NECTIN1: variants seen among roughly 807,000 people sequenced by gnomAD.
NECTIN1 encodes nectin-1.
Under a neutral mutation model 48.0 loss-of-function variants are expected in NECTIN1, and 23 were observed. That is an observed-to-expected ratio of 0.48 (90% CI 0.34 to 0.68). The LOEUF is 0.68. NECTIN1 is among the 30% of genes least tolerant of loss of function. NECTIN1 has a pLI of 0.01. For missense variants in NECTIN1, 591 were observed against 709.9 expected (o/e 0.83, Z 1.90); for synonymous variants, 270 against 288.9 (o/e 0.93, Z 0.66).
Position 119,665,239 on chromosome 11 carries a change from C to G in NECTIN1, c.1062G>C (p.Thr354=), listed in dbSNP as rs1864744758. Residue 354 remains threonine (T), a synonymous_variant, in exon 6 of 6, where the codon ACG becomes ACC. Coordinates refer to ENST00000264025, the MANE Select transcript of NECTIN1 (RefSeq NM_002855.5). The surrounding 1 kb of genome is among the most constrained non-coding windows in gnomAD (Gnocchi z 5.1). ...EHGRRAGPVP[T]AIIGGVAGSI... ...TCCCCGCCACGCCCCCAATGATGGC[C>G]GTGGGCACCGGCCCGGCGCGCCGCC... 14 of 1,600,932 alleles carry G rather than the reference C, an allele frequency of 8.7e-6. No individual in the cohort carries two copies. Among genetic ancestry groups the G allele is most frequent in the Non-Finnish European group, 1.2e-5 (14 of 1,178,012 alleles).
In NECTIN1 at chr11:119,648,999, C is replaced by T. The variant is rs1227849382; in HGVS notation, c.1004-8987G>A. On this transcript the variant is annotated intron_variant, in intron 5 of 7. Coordinates refer to the NECTIN1 transcript ENST00000341398. The stretch of plus-strand genomic sequence containing the variant: ...GAGTGGGACTCCTGCCTCACTGGCA[C>T]TGTGTGCAGAGTCAGAAAGATGTGA... Among the ~76,000 whole-genome samples, 3 of 152,340 alleles carry T rather than the reference C, an allele frequency of 2.0e-5. No individual in the cohort carries two copies. The East Asian group carries it at 5.8e-4, about 29-fold the overall frequency.
chr11:119,655,651 A>G (rs1436342980), intron 5 of NECTIN1, among the ~76,000 whole-genome samples: 2 of 152,210 alleles, frequency 1.3e-5, no homozygotes, highest in Non-Finnish European at 2.9e-5. Context: ...GCCATCTTCC[A>G]ATATTTGAAG....
At chr11:119,726,565 G>A (rs1362958330) in intron 1 of NECTIN1, among the ~76,000 whole-genome samples, 2 of 152,180 alleles carry the variant, frequency 1.3e-5, no homozygotes, top group African/African-American at 4.8e-5. Context: ...TATCCACCTT[G>A]AGCCAGGTGA....
chr11:119,706,206 T>G (rs1376950390), intron 1 of NECTIN1, among the ~76,000 whole-genome samples: 1 of 152,168 alleles, frequency 6.6e-6, no homozygotes, highest in Non-Finnish European at 1.5e-5. Flanking sequence ...AACTTCTCAC[T>G]CAAAGGGAAA....
intron 1 of NECTIN1, among the ~76,000 whole-genome samples, chr11:119,701,139 G>T (rs1310860996): frequency 6.6e-6 from 1 of 152,182 alleles, no homozygotes; most frequent in South Asian, 2.1e-4. Flanking sequence ...GCCTTGTAAC[G>T]TATGTAACTG....
chr11:119,713,901 G>C (rs776316010), intron 1 of NECTIN1: 13 of 455,616 alleles, frequency 2.9e-5, no homozygotes, highest in East Asian at 7.0e-5. Flanking sequence ...TGCCAGGGGG[G>C]TGCCAAGGAG....
At position 119,650,099 on chromosome 11, in the gene NECTIN1, A is replaced by C. The variant is rs140870751; in HGVS notation, c.1004-10087T>G. Among the ~76,000 whole-genome samples, 386 of 152,202 alleles carry C rather than the reference A, an allele frequency of 2.5e-3. 1 individual carries two copies. Among genetic ancestry groups the C allele is most frequent in the African/African-American group, 9.0e-3 (374 of 41,524 alleles). On this transcript the variant is annotated intron_variant, in intron 5 of 7. Transcript: ENST00000341398. ...TCTGGCGGGCAAGAGTGGGGGTCAC[A>C]AGGTACTCAGTGGGGGAGCTTTTGA...
chr11:119,685,493 C>A (rs1019676006), intron 1 of NECTIN1, among the ~76,000 whole-genome samples: 1 of 152,234 alleles, frequency 6.6e-6, no homozygotes, highest in South Asian at 2.1e-4. Flanking sequence ...GATGGGGGTG[C>A]TCTGGCAAGT....
In NECTIN1 at chr11:119,675,276, G is replaced by A; in HGVS notation, c.886C>T (p.Gln296Ter). Residue 296 changes from glutamine (Q) to a stop codon, truncating the protein, a stop_gained, in exon 5 of 6, where the codon CAG (glutamine) becomes TAG (stop). Transcript: ENST00000264025. LOFTEE classifies it high-confidence loss of function. ...NGSLPKGVEAQNRTLFFKGPI... is the reference protein window; with the variant it reads ...NGSLPKGVEA ...CCCTTGAAGAAGAGGGTTCTGTTCTGGGCCTCCACACCCTTGGGGAGAGAG... is the reference window on the plus strand; with the variant it reads ...CCCTTGAAGAAGAGGGTTCTGTTCTAGGCCTCCACACCCTTGGGGAGAGAG... The A allele has an allele frequency of 1.2e-6, 2 of 1,614,088 alleles. No homozygotes were observed. The highest frequency in any genetic ancestry group is 1.7e-6 in the Non-Finnish European group (2 of 1,180,022).
In NECTIN1 at chr11:119,694,972, G is replaced by T. The variant is rs117743451; in HGVS notation, c.80-16207C>A. 3.3e-5 allele frequency among the ~76,000 whole-genome samples: 5 copies of T among 151,946 alleles called. No homozygotes were observed. In the South Asian group the frequency reaches 8.3e-4, roughly 25 times the overall value. Reference sequence around the variant, plus strand: ...TAGAATACAGCCATTCAGCTCCCTCGGCTCCCTGCAACTCCACAGGGAGGT... The same window carrying T: ...TAGAATACAGCCATTCAGCTCCCTCTGCTCCCTGCAACTCCACAGGGAGGT... On this transcript the variant is annotated intron_variant, in intron 1 of 5. Coordinates refer to ENST00000264025, the MANE Select transcript of NECTIN1 (RefSeq NM_002855.5).
In NECTIN1 at chr11:119,679,814, A is replaced by G. The variant is rs564717162; in HGVS notation, c.80-1049T>C. On this transcript the variant is annotated intron_variant, in intron 1 of 5. Coordinates refer to ENST00000264025, the MANE Select transcript of NECTIN1 (RefSeq NM_002855.5). ...CTTACCCAGGCAGCTCCCTCCACCTAGATGGCCCTTCCCCTTCTCCACCTG... is the reference window on the plus strand; with the variant it reads ...CTTACCCAGGCAGCTCCCTCCACCTGGATGGCCCTTCCCCTTCTCCACCTG... Among the ~76,000 whole-genome samples the G allele has an allele frequency of 3.0e-4, 45 of 152,218 alleles. No individual in the cohort carries two copies. In the South Asian group the frequency reaches 9.2e-3, roughly 31 times the overall value.
rs868753036 is a variant in NECTIN1 at position 119,683,963 on chromosome 11, G to T, written c.80-5198C>A. Among the ~76,000 whole-genome samples the T allele has an allele frequency of 1.3e-5, 2 of 152,062 alleles. No individual in the cohort carries two copies. Among genetic ancestry groups the T allele is most frequent in the Non-Finnish European group, 1.5e-5 (1 of 68,016 alleles). On this transcript the variant is annotated intron_variant, in intron 1 of 5. Coordinates refer to ENST00000264025, the MANE Select transcript of NECTIN1 (RefSeq NM_002855.5). The surrounding 1 kb of genome is among the most constrained non-coding windows in gnomAD (Gnocchi z 4.0). ...CCTGAGACGTCACAGACCTGCAAAC[G>T]CCTGAGCTCAGCAACAAAACACAAA...
chr11:119,640,128 C>T, intron 5 of NECTIN1: 2 of 1,125,890 alleles, frequency 1.8e-6, no homozygotes, highest in Non-Finnish European at 1.3e-6. Flanking sequence ...ACATTGCACC[C>T]CCAGCTCCCC....
chr11:119,676,899 A>T (rs1386189924), intron 4 of NECTIN1: 2 of 619,064 alleles, frequency 3.2e-6, no homozygotes, highest in Non-Finnish European at 5.9e-6. Context: ...TGTTCCATTG[A>T]CCTTGACACT....
downstream of NECTIN1, chr11:119,658,984 T>C (rs1864618384): frequency 6.6e-6 from 1 of 152,170 alleles, no homozygotes; most frequent in African/African-American, 2.4e-5. Flanking sequence ...TGTAAGATGG[T>C]AAATTCTCAA....
In NECTIN1 at chr11:119,665,295, A is replaced by G. The variant is rs753093645; in HGVS notation, c.1006T>C (p.Phe336Leu). Residue 336 changes from phenylalanine (F) to leucine (L), a missense_variant and splice_region_variant, in exon 6 of 6, where the codon TTC (phenylalanine) becomes CTC (leucine). Physicochemically the swap from Phe to Leu is conservative, Grantham distance 22. Coordinates refer to ENST00000264025, the MANE Select transcript of NECTIN1 (RefSeq NM_002855.5). The surrounding 1 kb of genome is among the most constrained non-coding windows in gnomAD (Gnocchi z 5.1). ...TCGGGAGGAGACGGGGTGTAGGGGA[A>G]TTCTGGGTGAGGAAAAGAGATGGAG... ...SGQVEVNITE[F>L]PYTPSPPEHG... 6.1e-5 allele frequency: 90 copies of G among 1,481,598 alleles called. 1 individual carries two copies. The highest frequency in any genetic ancestry group is 3.7e-4 in the Middle Eastern group (2 of 5,432). The allele number at this position is 1,481,598 out of a possible 1,614,324, so 91.8% of individuals were successfully genotyped here.
Position 119,664,476 on chromosome 11 carries a change from A to T in NECTIN1, c.*271T>A. On this transcript the variant is annotated 3_prime_UTR_variant, in exon 6 of 6. Coordinates refer to ENST00000264025, the MANE Select transcript of NECTIN1 (RefSeq NM_002855.5). Reference sequence around the variant, plus strand: ...AGGGCTCCCTACACAGAGGGCAGGCAGGTGGGGCCCGTAAAGGGAAGATAC... The same window carrying T: ...AGGGCTCCCTACACAGAGGGCAGGCTGGTGGGGCCCGTAAAGGGAAGATAC... 1 of 1,300,842 alleles carries T rather than the reference A, an allele frequency of 7.7e-7. No homozygotes were observed. The highest frequency in any genetic ancestry group is 9.8e-7 in the Non-Finnish European group (1 of 1,021,994). 80.6% of individuals were successfully genotyped at this position (1,300,842 alleles called of 1,614,324 possible).
chr11:119,678,438 C>G lies in NECTIN1; in HGVS notation c.407G>C (p.Ser136Thr), dbSNP rs781010097. 2.5e-6 allele frequency: 4 copies of G among 1,614,232 alleles called. No homozygotes were observed. Among genetic ancestry groups the G allele is most frequent in the Non-Finnish European group, 3.4e-6 (4 of 1,180,034 alleles). ...FATFPTGNRE[S>T]QLNLTVMAKP... ...ACCCATCACCGTGAGATTGAGCTGG[C>G]TTTCTCGATTGCCCGTAGGGAAGGT... Residue 136 changes from serine (S) to threonine (T), a missense_variant, in exon 2 of 6, where the codon AGC becomes ACC. By Grantham distance (58) the Ser-to-Thr change is moderately conservative (BLOSUM62 1). Transcript: ENST00000264025. The surrounding 1 kb of genome is among the most constrained non-coding windows in gnomAD (Gnocchi z 4.4).
downstream of NECTIN1, among the ~76,000 whole-genome samples, chr11:119,658,531 C>T (rs1864612271): frequency 6.6e-6 from 1 of 152,172 alleles, no homozygotes; most frequent in South Asian, 2.1e-4. Flanking sequence ...GTTTCAGAAG[C>T]AGGTCTAGCT....
Sources: gnomAD v4.1 joint callset for allele counts (sites outside exome capture counted in the v4.1 genomes callset) on GRCh38, gnomAD v4.1.1 for gene constraint, Gnocchi (gnomAD v3.1) non-coding constraint, MANE v1.5 for transcripts, NCBI Gene and HGNC (gene_info 2026-07-23, HGNC 2026-07-21) for gene names.